The following FBN3 variants were observed in gnomAD, a reference collection of about 807,000 sequenced individuals.
The protein encoded by FBN3 is fibrillin-3.
FBN3 carries 234 observed loss-of-function variants against 330.1 expected under a neutral mutation model. That is an observed-to-expected ratio of 0.71 (90% CI 0.64 to 0.79). The LOEUF is 0.79. Among genes scored for constraint, FBN3 ranks in the 30% least tolerant of loss-of-function variants. The probability of loss-of-function intolerance (pLI) is 0.00; values close to 1 mark genes in which losing one functional copy is unlikely to be tolerated. For missense variants in FBN3, 3,606 were observed against 3,886.9 expected (o/e 0.93, Z 1.92); for synonymous variants, 1,458 against 1,517.3 (o/e 0.96, Z 0.91).
chr19:8,123,523 C>G lies in FBN3; in HGVS notation c.3023G>C (p.Ser1008Thr). ...THGTCRNTVGSFHCACAGGFA... is the reference protein window; with the variant it reads ...THGTCRNTVGTFHCACAGGFA... The stretch of plus-strand genomic sequence containing the variant: ...GCCCCCCGCACAGGCGCAGTGGAAG[C>G]TGCCCACCGTGTTTCTGCAGGTACC... Residue 1008 changes from serine (S) to threonine (T), a missense_variant, in exon 24 of 64, where the codon AGC becomes ACC. By Grantham distance (58) the Ser-to-Thr change is moderately conservative. Coordinates refer to ENST00000600128, the MANE Select transcript of FBN3 (RefSeq NM_032447.5). 2 of 1,614,196 alleles carry G rather than the reference C, an allele frequency of 1.2e-6. No individual in the cohort carries two copies. The highest frequency in any genetic ancestry group is 1.7e-6 in the Non-Finnish European group (2 of 1,180,026).
At chr19:8,135,935 T>TGGGGGGGGGGGGGGGGGGGGGGGGGG in intron 13 of FBN3, 26 bp downstream of exon 13, 2 of 1,344,156 alleles carry the variant, frequency 1.5e-6, no homozygotes, top group Non-Finnish European at 2.0e-6. Flanking sequence ...CGGAAGCCCC[T>TGGGGGGGGGGGGGGGGGGGGGGGGGG]GCCCACCCGC....
intron 63 of FBN3, among the ~76,000 whole-genome samples, chr19:8,066,497 T>C (rs140126497): frequency 8.9e-4 from 136 of 152,262 alleles, no homozygotes; most frequent in Non-Finnish European, 1.4e-3. Context: ...TTCTCAGTTA[T>C]AAGTGGGAGC....
intron 25 of FBN3, among the ~76,000 whole-genome samples, chr19:8,119,791 G>T (rs1466337278): frequency 1.4e-5 from 2 of 145,152 alleles, no homozygotes; most frequent in Non-Finnish European, 3.0e-5. Context: ...CAGGATTACA[G>T]GTATGAGCCA....
At chr19:8,148,442 G>A (rs149410823) in intron 1 of FBN3, among the ~76,000 whole-genome samples, 1 of 151,682 alleles carries the variant, frequency 6.6e-6, no homozygotes, top group African/African-American at 2.4e-5. Flanking sequence ...ATCACACCAT[G>A]AGTGAGGGGC....
In FBN3 at chr19:8,081,425, C is replaced by A. The variant is rs150192643; in HGVS notation, c.7269G>T (p.Thr2423=). 1.7e-3 allele frequency: 2,694 copies of A among 1,612,554 alleles called. 5 individuals carry two copies. Among genetic ancestry groups the A allele is most frequent in the Non-Finnish European group, 2.1e-3 (2,450 of 1,179,286 alleles). ...PKPCTFLCKN[T]KGSFLCSCPR... ...GACAGCTGCACAGGAAACTGCCCTTCGTGTTTTTGCAGAGGAAGGTACATG... is the reference window on the plus strand; with the variant it reads ...GACAGCTGCACAGGAAACTGCCCTTAGTGTTTTTGCAGAGGAAGGTACATG... The change falls in exon 58 of 64, where the codon ACG becomes ACT. Residue 2423 remains threonine (T), a synonymous_variant. Transcript: ENST00000600128.
In FBN3 at chr19:8,087,132, C is replaced by T. The variant is rs140620104; in HGVS notation, c.6699G>A (p.Ala2233=). ...MECKNLIGTF[A]CVCPPGMRPL... ...GCCGCATGCCTGGGGGACAGACGCA[C>T]GCGAAGGTACCGATGAGGTTCTTGC... The change falls in exon 54 of 64, where the codon GCG becomes GCA. Residue 2233 remains alanine, a synonymous_variant. Transcript: ENST00000600128. 15 of 1,610,916 alleles carry T rather than the reference C, an allele frequency of 9.3e-6. No homozygotes were observed. Among genetic ancestry groups the T allele is most frequent in the Admixed American group, 1.7e-5 (1 of 59,666 alleles).
chr19:8,116,386 G>A (rs1303362173), intron 29 of FBN3, among the ~76,000 whole-genome samples: 1 of 152,192 alleles, frequency 6.6e-6, no homozygotes, highest in Non-Finnish European at 1.5e-5. Context: ...TCTGATAGAT[G>A]TTGGGTATGT....
In FBN3 at chr19:8,106,190, A is replaced by T. The variant is rs1437778262; in HGVS notation, c.4731T>A (p.Gly1577=). ...CQELPGLCQG[G]DCVNTFGSFQ... Reference sequence around the variant, plus strand: ...AACTGCCAAACGTGTTGACGCAGTCACCCCCCTGACACAGCCCTGGCAGCT... The same window carrying T: ...AACTGCCAAACGTGTTGACGCAGTCTCCCCCCTGACACAGCCCTGGCAGCT... Residue 1577 remains glycine (G), a synonymous_variant, in exon 38 of 64, where the codon GGT becomes GGA. Transcript: ENST00000600128. 1 of 1,613,658 alleles carries T rather than the reference A, an allele frequency of 6.2e-7. No homozygotes were observed. The highest frequency in any genetic ancestry group is 8.5e-7 in the Non-Finnish European group (1 of 1,179,914).
chr19:8,105,748 A>C (rs930848127), intron 38 of FBN3, among the ~76,000 whole-genome samples: 1 of 152,170 alleles, frequency 6.6e-6, no homozygotes, highest in African/African-American at 2.4e-5. Flanking sequence ...TCCTCCACAA[A>C]AGCAACTATT....
chr19:8,095,465 G>A lies in FBN3; in HGVS notation c.5695C>T (p.Arg1899Ter), dbSNP rs564282696. 3.7e-6 allele frequency: 6 copies of A among 1,613,556 alleles called. No homozygotes were observed. The African/African-American group carries it at 4.0e-5, about 11-fold the overall frequency. Residue 1899 changes from arginine (R) to a stop codon, truncating the protein, a stop_gained, in exon 46 of 64, where the codon CGA (arginine) becomes TGA (stop). Coordinates refer to ENST00000600128, the MANE Select transcript of FBN3 (RefSeq NM_032447.5). LOFTEE classifies it high-confidence loss of function. ...ECTTLVGQVC[R>*]FGHCLNTAGS... ...GCTGTGTTGAGGCAATGGCCAAATC[G>A]GCACACCTGCCCCACCAGGGTAGTA...
chr19:8,099,839 T>G (rs1052220408), intron 41 of FBN3, among the ~76,000 whole-genome samples: 6 of 151,670 alleles, frequency 4.0e-5, no homozygotes, highest in African/African-American at 1.2e-4. Flanking sequence ...GGTGAAACCC[T>G]GCCTCTATTA....
chr19:8,068,659 G>A (rs961198101), intron 63 of FBN3, among the ~76,000 whole-genome samples: 2 of 151,724 alleles, frequency 1.3e-5, no homozygotes, highest in African/African-American at 2.4e-5. Flanking sequence ...CTATGATTGC[G>A]CCACTGCATT....
intron 24 of FBN3, among the ~76,000 whole-genome samples, chr19:8,122,408 C>T (rs1463548194): frequency 6.6e-6 from 1 of 152,088 alleles, no homozygotes; most frequent in Non-Finnish European, 1.5e-5. Context: ...GTTCTGTCAC[C>T]CAGGCTGGAG....
chr19:8,126,507 C>T lies in FBN3; in HGVS notation c.2515G>A (p.Gly839Arg), dbSNP rs749198040. ...TCGCAGGGGCTCCCCCAGGCTGCCC[C>T]GAGGGTGGCGCAGCACTCAGACCGC... ...SLRSECCATL[G>R]AAWGSPCERC... The change falls in exon 20 of 64, where the codon GGG becomes AGG. Residue 839 changes from glycine to arginine, a missense_variant. Physicochemically the swap from Gly to Arg is moderately radical, Grantham distance 125 (BLOSUM62 -2). Transcript: ENST00000600128. 33 of 1,613,184 alleles carry T rather than the reference C, an allele frequency of 2.0e-5. No homozygotes were observed. The highest frequency in any genetic ancestry group is 1.5e-4 in the Admixed American group (9 of 59,986).
Position 8,146,104 on chromosome 19 carries a change from G to A in FBN3, c.349+23C>T, listed in dbSNP as rs780932706. The A allele has an allele frequency of 1.0e-5, 16 of 1,562,356 alleles. No homozygotes were observed. The East Asian group carries it at 2.1e-4, about 21-fold the overall frequency. On this transcript the variant is annotated intron_variant, in intron 4 of 63. Transcript: ENST00000600128. ...ACCCTGTGAACTTCTTCTCCCTCCCGCAAGAGGCCGCTTCCCGCTCACCTC... is the reference window on the plus strand; with the variant it reads ...ACCCTGTGAACTTCTTCTCCCTCCCACAAGAGGCCGCTTCCCGCTCACCTC...
rs2082041701 is a variant in FBN3, at chr19:8,089,403, G to A, written c.6376+142C>T. ...TTAATGAGTGAATGAAGCACAGAGGGAGAAAAAGTGAATGGGGGAGAGAGG... is the reference window on the plus strand; with the variant it reads ...TTAATGAGTGAATGAAGCACAGAGGAAGAAAAAGTGAATGGGGGAGAGAGG... On this transcript the variant is annotated intron_variant, in intron 51 of 63. Transcript: ENST00000600128. 10 of 844,996 alleles carry A rather than the reference G, an allele frequency of 1.2e-5. No homozygotes were observed. In the South Asian group the frequency reaches 1.5e-4, roughly 12 times the overall value. The allele number at this position is 844,996 out of a possible 1,614,324, so 52.3% of individuals were successfully genotyped here. A position where few individuals can be genotyped will look rare whatever the true frequency, so the allele number is the denominator to read the frequency against.
In FBN3 at chr19:8,125,876, C is replaced by G. The variant is rs750674543; in HGVS notation, c.2731+16G>C. On this transcript the variant is annotated intron_variant, in intron 22 of 63. Coordinates refer to ENST00000600128, the MANE Select transcript of FBN3 (RefSeq NM_032447.5). ...AAGAACGTGTGGCCCTGTATGCGGA[C>G]CTCGCCTGGACTCACCCACGCACAG... 6.3e-7 allele frequency: 1 copy of G among 1,599,224 alleles called. No homozygotes were observed. The highest frequency in any genetic ancestry group is 8.5e-7 in the Non-Finnish European group (1 of 1,174,508).
intron 18 of FBN3, 49 bp downstream of exon 18, chr19:8,128,979 T>G: frequency 6.4e-7 from 1 of 1,569,936 alleles, no homozygotes; most frequent in East Asian, 2.3e-5. Flanking sequence ...GCCAAGTATG[T>G]TGGAGCATAT....
At chr19:8,073,617 ACTGTG>A (rs1684382451) in intron 61 of FBN3, among the ~76,000 whole-genome samples, 1 of 152,228 alleles carries the variant, frequency 6.6e-6, no homozygotes, top group Non-Finnish European at 1.5e-5. Context: ...GCCTCCTTGC[ACTGTG>A]GGACATTGAA....
Sources: gnomAD v4.1 joint callset for allele counts (sites outside exome capture counted in the v4.1 genomes callset) on GRCh38, gnomAD v4.1.1 for gene constraint, MANE v1.5 for transcripts, NCBI Gene and HGNC (gene_info 2026-07-23, HGNC 2026-07-21) for gene names.